Variants in FAM216B observed in about 807,000 individuals in gnomAD.
The protein encoded by FAM216B is protein FAM216B.
FAM216B carries 11 observed loss-of-function variants against 12.9 expected under a neutral mutation model. The ratio of observed to expected loss-of-function variants is 0.86; its 90% confidence interval spans 0.54 to 1.42. The LOEUF (loss-of-function observed/expected upper bound fraction) is 1.42. FAM216B is among the 40% of genes most tolerant of loss of function. The probability of loss-of-function intolerance (pLI) is 0.00; values close to 1 mark genes in which losing one functional copy is unlikely to be tolerated. For synonymous variants in FAM216B, 52 were observed against 57.2 expected, an observed-to-expected ratio of 0.91 and a Z score of 0.41; for missense variants, 167 against 162.9, an observed-to-expected ratio of 1.02 and a Z score of -0.14.
intron 1 of FAM216B, 80 bp from the exon 2 acceptor site, chr13:42,783,974 C>A: frequency 3.8e-6 from 3 of 780,580 alleles, no homozygotes; most frequent in South Asian, 2.0e-5. Context: ...CATTTACTTG[C>A]TTACTTATTT....
At chr13:42,782,069 A>G (rs1021104456) in intron 1 of FAM216B, among the ~76,000 whole-genome samples, 8 of 152,222 alleles carry the variant, frequency 5.3e-5, no homozygotes, top group African/African-American at 1.7e-4. Context: ...AGTACTGACT[A>G]AAATATTTAC....
rs933892665 is a variant in FAM216B at position 42,788,777 on chromosome 13, T to G, written c.407T>G (p.Val136Gly). Reference protein sequence around the residue: ...LPRAQSKRRQVLRN With the variant: ...LPRAQSKRRQGLRN ...AGGGCCCAAAGTAAAAGGCGCCAAG[T>G]GCTCAGGAACTGAGACTTGGCAGCA... The change falls in exon 4 of 4, where the codon GTG becomes GGG. Residue 136 changes from valine to glycine, a missense_variant. Coordinates refer to ENST00000313851, the MANE Select transcript of FAM216B (RefSeq NM_001318932.2). 10 of 1,611,442 alleles carry G rather than the reference T, an allele frequency of 6.2e-6. No homozygotes were observed. In the African/African-American group the frequency reaches 1.2e-4, roughly 19 times the overall value.
intron 3 of FAM216B, among the ~76,000 whole-genome samples, chr13:42,787,146 C>G (rs1874124778): frequency 6.6e-6 from 1 of 152,134 alleles, no homozygotes; most frequent in Admixed American, 6.5e-5. Flanking sequence ...AGAACTTAAT[C>G]AAGTAAATCA....
In FAM216B at chr13:42,784,174, T is replaced by TTTTC; in HGVS notation, c.99+11_99+12insCTTT. 1 of 682,970 alleles carries TTTTC rather than the reference T, an allele frequency of 1.5e-6. No individual in the cohort carries two copies. The highest frequency in any genetic ancestry group is 2.9e-5 in the South Asian group (1 of 34,636). The allele number at this position is 682,970 out of a possible 1,614,324, so 42.3% of individuals were successfully genotyped here. A position where few individuals can be genotyped will look rare whatever the true frequency, so the allele number is the denominator to read the frequency against. ...GACACTTCCTTACTAAAGGTATGGCTTTTTTTTTTTTTTTTTTTTCACAGA... is the reference window on the plus strand; with the variant it reads ...GACACTTCCTTACTAAAGGTATGGCTTTTCTTTTTTTTTTTTTTTTTTTCACAGA... On this transcript the variant is annotated intron_variant, in intron 2 of 3. Coordinates refer to ENST00000313851, the MANE Select transcript of FAM216B (RefSeq NM_001318932.2).
rs1178134877 is a variant in FAM216B at position 42,788,758 on chromosome 13, C to G, written c.388C>G (p.Gln130Glu). Reference protein sequence around the residue: ...LPVSVVLPRAQSKRRQVLRN With the variant: ...LPVSVVLPRAESKRRQVLRN ...TGTATCTGTGGTTCTACCTAGGGCC[C>G]AAAGTAAAAGGCGCCAAGTGCTCAG... The change falls in exon 4 of 4, where the codon CAA (glutamine) becomes GAA (glutamate). Residue 130 changes from glutamine to glutamate, a missense_variant. Gln to Glu is a conservative substitution (Grantham distance 29). Coordinates refer to ENST00000313851, the MANE Select transcript of FAM216B (RefSeq NM_001318932.2). 1.2e-6 allele frequency: 2 copies of G among 1,613,084 alleles called. No individual in the cohort carries two copies. Among genetic ancestry groups the G allele is most frequent in the Non-Finnish European group, 8.5e-7 (1 of 1,179,524 alleles).
chr13:42,788,727 A>G lies in FAM216B; in HGVS notation c.357A>G (p.Val119=), dbSNP rs1482396665. The G allele has an allele frequency of 1.7e-5, 28 of 1,613,794 alleles. No individual in the cohort carries two copies. The highest frequency in any genetic ancestry group is 2.7e-5 in the African/African-American group (2 of 74,908). The change falls in exon 4 of 4, where the codon GTA becomes GTG. Residue 119 remains valine (V), a synonymous_variant. Coordinates refer to ENST00000313851, the MANE Select transcript of FAM216B (RefSeq NM_001318932.2). ...CCATGACAAGAAGATGTCCATCAGTACTACCTGTATCTGTGGTTCTACCTA... is the reference window on the plus strand; with the variant it reads ...CCATGACAAGAAGATGTCCATCAGTGCTACCTGTATCTGTGGTTCTACCTA... The part of the protein sequence containing the change: ...TSAMTRRCPS[V]LPVSVVLPRA...
intron 3 of FAM216B, 65 bp downstream of exon 3, chr13:42,786,948 C>T (rs1191516617): frequency 5.7e-6 from 9 of 1,590,004 alleles, no homozygotes; most frequent in South Asian, 2.3e-5. Context: ...AGCCAGAAGT[C>T]GTTTCCAGAT....
At position 42,785,855 on chromosome 13, in the gene FAM216B, T is replaced by C. The variant is rs140754916; in HGVS notation, c.100-908T>C. Among the ~76,000 whole-genome samples, 190 of 152,274 alleles carry C rather than the reference T, an allele frequency of 1.2e-3. 2 individuals carry two copies. Among genetic ancestry groups the C allele is most frequent in the African/African-American group, 4.3e-3 (179 of 41,562 alleles). On this transcript the variant is annotated intron_variant, in intron 2 of 3. Coordinates refer to ENST00000313851, the MANE Select transcript of FAM216B (RefSeq NM_001318932.2). The stretch of plus-strand genomic sequence containing the variant: ...CATTTGCTGGAAAGGCGTGGGAAGC[T>C]GTCCTGTGCATTACAGGATGCTAAG...
At chr13:42,784,712 T>C (rs977781445) in intron 2 of FAM216B, among the ~76,000 whole-genome samples, 2 of 147,130 alleles carry the variant, frequency 1.4e-5, no homozygotes, top group South Asian at 4.4e-4. Flanking sequence ...CGGGTGTCTG[T>C]AGTCCTAGCT....
At chr13:42,785,360 A>G (rs1028154581) in intron 2 of FAM216B, among the ~76,000 whole-genome samples, 2 of 152,244 alleles carry the variant, frequency 1.3e-5, no homozygotes, top group Non-Finnish European at 2.9e-5. Flanking sequence ...AACAGGTAAA[A>G]GTCACCTTAC....
Sources: allele counts gnomAD v4.1 joint callset (sites outside exome capture counted in the v4.1 genomes callset), GRCh38; gene constraint gnomAD v4.1.1; transcripts MANE v1.5; gene names NCBI Gene and HGNC (gene_info 2026-07-23, HGNC 2026-07-21).